CLVS1: variants seen among roughly 807,000 people sequenced by gnomAD.
The protein encoded by CLVS1 is clavesin 1.
In CLVS1, 10 loss-of-function variants were observed where a neutral mutation model predicts 33.1. The observed-to-expected ratio is 0.30, with a 90% CI of 0.19 to 0.51. The LOEUF (loss-of-function observed/expected upper bound fraction) is 0.51, where lower values mean the gene tolerates loss of function less well. Among genes scored for constraint, CLVS1 ranks in the 20% least tolerant of loss-of-function variants. The pLI is 0.97. For missense variants in CLVS1, 343 were observed against 433.4 expected, an observed-to-expected ratio of 0.79 and a Z score of 1.85; for synonymous variants, 163 against 166.1, an observed-to-expected ratio of 0.98 and a Z score of 0.14.
chr8:60,982,844 G>A, the CLVS1 span, among the ~76,000 whole-genome samples: 28 of 152,258 alleles, frequency 1.8e-4, no homozygotes, highest in African/African-American at 5.8e-4. Flanking sequence ...AGGCTGAGAC[G>A]GGAGGATGGC....
At chr8:61,219,479 C>A (rs767325056) in intron 2 of CLVS1, among the ~76,000 whole-genome samples, 57 of 152,216 alleles carry the variant, frequency 3.7e-4, no homozygotes, top group Non-Finnish European at 7.6e-4. Context: ...AACATGATCT[C>A]ATTCCCTTTT....
At chr8:61,216,756 C>T (rs772848847) in intron 2 of CLVS1, among the ~76,000 whole-genome samples, 1 of 152,188 alleles carries the variant, frequency 6.6e-6, no homozygotes, top group Non-Finnish European at 1.5e-5. Flanking sequence ...AGAGTTCAGC[C>T]TCTGCCTCAG....
intron 2 of CLVS1, among the ~76,000 whole-genome samples, chr8:61,183,655 G>T (rs1807285167): frequency 6.6e-6 from 1 of 152,138 alleles, no homozygotes; most frequent in Non-Finnish European, 1.5e-5. Context: ...CAAGGAAGAA[G>T]CCTCAGGCAG....
intron 2 of CLVS1, among the ~76,000 whole-genome samples, chr8:61,149,084 TC>T (rs1220321504): frequency 6.6e-6 from 1 of 152,142 alleles, no homozygotes; most frequent in Non-Finnish European, 1.5e-5. Context: ...TTGGTTGTTT[TC>T]TTATTAAAAA....
intron 2 of CLVS1, among the ~76,000 whole-genome samples, chr8:61,164,737 C>A (rs1806823050): frequency 6.6e-6 from 1 of 152,176 alleles, no homozygotes; most frequent in South Asian, 2.1e-4. Context: ...TTGTTGGAAT[C>A]CCCCCTCTTT....
intron 4 of CLVS1, among the ~76,000 whole-genome samples, chr8:61,456,177 G>C (rs7846502): frequency 0.83 from 125,671 of 152,064 alleles, 52,126 homozygotes; most frequent in Middle Eastern, 0.86. Flanking sequence ...TAGATTCTAA[G>C]AGGTAGAGGG....
intron 2 of CLVS1, among the ~76,000 whole-genome samples, chr8:61,337,727 A>C (rs1228827670): frequency 6.6e-6 from 1 of 152,222 alleles, no homozygotes; most frequent in Non-Finnish European, 1.5e-5. Context: ...AAAGGAGGAA[A>C]CTGAACACCA....
intron 2 of CLVS1, among the ~76,000 whole-genome samples, chr8:61,255,752 A>G (rs899400594): frequency 2.0e-5 from 3 of 152,134 alleles, no homozygotes; most frequent in African/African-American, 7.2e-5. Flanking sequence ...CAACCAAAAG[A>G]TTTGCCATAA....
At chr8:61,072,007 G>A (rs1281214739) in intron 1 of CLVS1, among the ~76,000 whole-genome samples, 1 of 152,174 alleles carries the variant, frequency 6.6e-6, no homozygotes, top group African/African-American at 2.4e-5. Context: ...AAGTGTCAAG[G>A]GAGGCATCTG....
chr8:61,136,438 G>T (rs1033710988), intron 2 of CLVS1, among the ~76,000 whole-genome samples: 2 of 152,146 alleles, frequency 1.3e-5, no homozygotes, highest in African/African-American at 4.8e-5. Context: ...CAACCTAAAT[G>T]CCCATCAATG....
chr8:61,493,114 A>T (rs927793657), intron 5 of CLVS1, among the ~76,000 whole-genome samples: 1 of 152,244 alleles, frequency 6.6e-6, no homozygotes, highest in East Asian at 1.9e-4. Flanking sequence ...ATTTAAAGAT[A>T]TTAAGTAAGG....
intron 2 of CLVS1, among the ~76,000 whole-genome samples, chr8:61,229,697 C>T (rs1808393130): frequency 6.6e-6 from 1 of 152,342 alleles, no homozygotes; most frequent in South Asian, 2.1e-4. Flanking sequence ...GTGGCGCAAT[C>T]TTGGCTCACT....
At chr8:61,358,341 C>G (rs1486136225) in intron 2 of CLVS1, among the ~76,000 whole-genome samples, 1 of 152,186 alleles carries the variant, frequency 6.6e-6, no homozygotes, top group Non-Finnish European at 1.5e-5. Context: ...TGCAAACACA[C>G]ACACTGTGTG....
the CLVS1 span, among the ~76,000 whole-genome samples, chr8:61,035,821 A>G: frequency 2.6e-5 from 4 of 152,164 alleles, no homozygotes; most frequent in Non-Finnish European, 5.9e-5. Context: ...TTCCTCTTCA[A>G]ATTGCTGTTT....
intron 1 of CLVS1, among the ~76,000 whole-genome samples, chr8:61,130,231 C>T (rs1563414103): frequency 8.6e-6 from 1 of 116,386 alleles, no homozygotes; most frequent in Non-Finnish European, 1.8e-5. Context: ...GAGTGAGACT[C>T]TGTCTCAAAA....
At chr8:61,445,686 A>G (rs966585321) in intron 3 of CLVS1, among the ~76,000 whole-genome samples, 6 of 152,200 alleles carry the variant, frequency 3.9e-5, no homozygotes, top group Non-Finnish European at 5.9e-5. Context: ...TTCATAAACC[A>G]ACTGGAAAGT....
chr8:61,426,922 G>A lies in CLVS1; in HGVS notation c.631-27219G>A, dbSNP rs140150678. On this transcript the variant is annotated intron_variant, in intron 3 of 5. Coordinates refer to ENST00000325897, the MANE Select transcript of CLVS1 (RefSeq NM_173519.3). ...TGAATAAATAAATTAAAAGGCAGTT[G>A]TTAGCAGCTTTCTGACTAGCTAAAA... Among the ~76,000 whole-genome samples the A allele has an allele frequency of 5.4e-3, 818 of 152,272 alleles. 10 individuals are homozygous for A. The highest frequency in any genetic ancestry group is 0.019 in the African/African-American group (794 of 41,540).
At chr8:61,142,560 T>A (rs983026500) in intron 2 of CLVS1, among the ~76,000 whole-genome samples, 1 of 152,248 alleles carries the variant, frequency 6.6e-6, no homozygotes, top group African/African-American at 2.4e-5. Context: ...CCTCTTGCCA[T>A]CACAGATAAA....
chr8:61,267,415 C>T (rs944513292), intron 2 of CLVS1, among the ~76,000 whole-genome samples: 1 of 152,126 alleles, frequency 6.6e-6, no homozygotes, highest in African/African-American at 2.4e-5. Context: ...AGCCATAAAT[C>T]CATTCTCCAT....
Sources: gnomAD v4.1 joint callset for allele counts (sites outside exome capture counted in the v4.1 genomes callset) on GRCh38, gnomAD v4.1.1 for gene constraint, MANE v1.5 for transcripts, NCBI Gene and HGNC (gene_info 2026-07-23, HGNC 2026-07-21) for gene names.